Variants in PACRG observed in about 807,000 individuals in gnomAD.
PACRG encodes parkin coregulated gene protein.
PACRG carries 29 observed loss-of-function variants against 29.7 expected under a neutral mutation model. The observed-to-expected ratio is 0.98, with a 90% CI of 0.73 to 1.33. The LOEUF is 1.33. Among genes scored for constraint, PACRG ranks in the 40% most tolerant of loss-of-function variants. The pLI is 0.00. For synonymous variants in PACRG, 116 were observed against 118.7 expected (o/e 0.98, Z 0.15); for missense variants, 279 against 316.2 (o/e 0.88, Z 0.89).
intron 4 of PACRG, among the ~76,000 whole-genome samples, chr6:163,225,864 G>C (rs1417255444): frequency 6.6e-6 from 1 of 152,126 alleles, no homozygotes; most frequent in East Asian, 1.9e-4. Flanking sequence ...ATACACAATG[G>C]AATACTATTC....
chr6:163,066,187 CAG>C (rs1811528287), intron 3 of PACRG, among the ~76,000 whole-genome samples: 1 of 152,248 alleles, frequency 6.6e-6, no homozygotes, highest in East Asian at 1.9e-4. Context: ...AACGTCTGGA[CAG>C]GGGAAAAAGC....
Position 163,288,788 on chromosome 6 carries a change from G to A in PACRG, c.614-26039G>A, listed in dbSNP as rs139558142. On this transcript the variant is annotated intron_variant, in intron 4 of 4. Coordinates refer to ENST00000366888, the MANE Select transcript of PACRG (RefSeq NM_001080379.2). ...CGGAATATACAGGGACCATAAATTA[G>A]TTCTACAGAATATCTAAAATAACTA... Among the ~76,000 whole-genome samples, 83 of 152,298 alleles carry A rather than the reference G, an allele frequency of 5.4e-4. 2 individuals are homozygous for A. The East Asian group carries it at 0.013, about 23-fold the overall frequency.
intron 2 of PACRG, among the ~76,000 whole-genome samples, chr6:162,907,652 T>C (rs1796022025): frequency 6.6e-6 from 1 of 152,156 alleles, no homozygotes; most frequent in South Asian, 2.1e-4. Flanking sequence ...TGACTCTTTC[T>C]TAAGACTCTT....
At chr6:163,175,211 C>T (rs1203592705) in intron 4 of PACRG, among the ~76,000 whole-genome samples, 1 of 152,098 alleles carries the variant, frequency 6.6e-6, no homozygotes, top group Non-Finnish European at 1.5e-5. Context: ...GATCTGCCCT[C>T]CTAAGATAAT....
intron 4 of PACRG, among the ~76,000 whole-genome samples, chr6:163,171,595 A>G (rs990752523): frequency 6.6e-6 from 1 of 152,240 alleles, no homozygotes; most frequent in African/African-American, 2.4e-5. Flanking sequence ...GCTCTTCTCA[A>G]GTGCAAAAAG....
At position 163,194,183 on chromosome 6, in the gene PACRG, A is replaced by T. The variant is rs547572144; in HGVS notation, c.613+104775A>T. Among the ~76,000 whole-genome samples the T allele has an allele frequency of 1.4e-4, 21 of 152,266 alleles. No homozygotes were observed. The South Asian group carries it at 3.7e-3, about 27-fold the overall frequency. ...TTGACAACAGATGAGGCCATCTGTG[A>T]TGGAGGTTCTGCGCCCGATTACACA... On this transcript the variant is annotated intron_variant, in intron 4 of 4. Coordinates refer to ENST00000366888, the MANE Select transcript of PACRG (RefSeq NM_001080379.2).
At chr6:162,980,460 T>C (rs1802320327) in intron 2 of PACRG, among the ~76,000 whole-genome samples, 1 of 152,142 alleles carries the variant, frequency 6.6e-6, no homozygotes, top group Non-Finnish European at 1.5e-5. Context: ...TCTACCAGGA[T>C]TAAGTAAGGT....
At chr6:163,142,650 A>C (rs1224870728) in intron 4 of PACRG, among the ~76,000 whole-genome samples, 1 of 152,252 alleles carries the variant, frequency 6.6e-6, no homozygotes, top group Non-Finnish European at 1.5e-5. Flanking sequence ...ATATGAACAT[A>C]GTTGTAAAAA....
At chr6:163,162,299 C>T (rs911243194) in intron 4 of PACRG, among the ~76,000 whole-genome samples, 2 of 152,190 alleles carry the variant, frequency 1.3e-5, no homozygotes, top group African/African-American at 2.4e-5. Context: ...TAATTATCAA[C>T]GTGGCTAGTA....
chr6:163,010,131 C>A (rs1165108429), intron 2 of PACRG, among the ~76,000 whole-genome samples: 3 of 152,048 alleles, frequency 2.0e-5, no homozygotes, highest in Non-Finnish European at 4.4e-5. Context: ...CAGTACAGGG[C>A]CCATAAAGTA....
chr6:163,216,368 A>T (rs1781364748), intron 4 of PACRG, among the ~76,000 whole-genome samples: 1 of 152,162 alleles, frequency 6.6e-6, no homozygotes, highest in South Asian at 2.1e-4. Flanking sequence ...TTAGACAAAA[A>T]CCTGGTGGAG....
At chr6:163,163,138 G>C (rs1450807378) in intron 4 of PACRG, among the ~76,000 whole-genome samples, 1 of 152,208 alleles carries the variant, frequency 6.6e-6, no homozygotes, top group East Asian at 1.9e-4. Flanking sequence ...CCAATTAAGT[G>C]GATCCAGCCT....
chr6:162,926,117 A>G (rs1435644822), intron 2 of PACRG, among the ~76,000 whole-genome samples: 4 of 152,166 alleles, frequency 2.6e-5, no homozygotes, highest in Non-Finnish European at 5.9e-5. Context: ...GGACCTCTTC[A>G]AGGAGGACTA....
intron 2 of PACRG, among the ~76,000 whole-genome samples, chr6:162,824,070 A>G (rs1788072399): frequency 6.6e-6 from 1 of 152,160 alleles, no homozygotes; most frequent in Admixed American, 6.5e-5. Context: ...GCCTGCCTTT[A>G]CCTATAGCAT....
rs921738695 is a variant in PACRG, at chr6:163,032,926, C to T, written c.292-29224C>T. Among the ~76,000 whole-genome samples the T allele has an allele frequency of 2.6e-5, 4 of 152,162 alleles. 1 individual carries two copies. The South Asian group carries it at 8.3e-4, about 32-fold the overall frequency. Reference sequence around the variant, plus strand: ...AGAAAAACCTATTATGCTTTTATTCCAATGTTTAGTTTATGGAAAAGCTGA... The same window carrying T: ...AGAAAAACCTATTATGCTTTTATTCTAATGTTTAGTTTATGGAAAAGCTGA... On this transcript the variant is annotated intron_variant, in intron 2 of 4. Coordinates refer to ENST00000366888, the MANE Select transcript of PACRG (RefSeq NM_001080379.2).
intron 2 of PACRG, among the ~76,000 whole-genome samples, chr6:162,952,667 A>G (rs1799740373): frequency 1.3e-5 from 2 of 152,200 alleles, no homozygotes; most frequent in African/African-American, 4.8e-5. Flanking sequence ...ACTAAATTGT[A>G]TCACATCTTT....
At chr6:163,025,046 T>C (rs1201625209) in intron 2 of PACRG, among the ~76,000 whole-genome samples, 1 of 152,000 alleles carries the variant, frequency 6.6e-6, no homozygotes, top group Non-Finnish European at 1.5e-5. Context: ...CCCTCCATGA[T>C]AAAAACCTTC....
At chr6:162,747,414 A>G (rs1358133229) in intron 1 of PACRG, among the ~76,000 whole-genome samples, 2 of 122,720 alleles carry the variant, frequency 1.6e-5, no homozygotes, top group African/African-American at 6.3e-5. Flanking sequence ...ATATATATAT[A>G]TAACTATAAA....
At chr6:162,969,256 G>A (rs1489935547) in intron 2 of PACRG, among the ~76,000 whole-genome samples, 9 of 151,988 alleles carry the variant, frequency 5.9e-5, no homozygotes, top group South Asian at 2.1e-4. Context: ...ACAGAAAACC[G>A]AGAGTTACTT....
Sources: allele counts gnomAD v4.1 joint callset (sites outside exome capture counted in the v4.1 genomes callset), GRCh38; gene constraint gnomAD v4.1.1; transcripts MANE v1.5; gene names NCBI Gene and HGNC (gene_info 2026-07-23, HGNC 2026-07-21).